The following DNAJC3 variants were observed in gnomAD, a reference collection of about 807,000 sequenced individuals.
DNAJC3 encodes the protein dnaJ homolog subfamily C member 3.
Under a neutral mutation model 68.6 loss-of-function variants are expected in DNAJC3, and 38 were observed. The observed-to-expected ratio is 0.55, with a 90% CI of 0.43 to 0.73. DNAJC3 has a LOEUF of 0.73. Ranked by LOEUF, DNAJC3 falls within the 30% of genes least tolerant of loss-of-function variation. The pLI is 0.00. For missense variants in DNAJC3, 526 were observed against 591.9 expected, an observed-to-expected ratio of 0.89 and a Z score of 1.16; for synonymous variants, 203 against 204.0, an observed-to-expected ratio of 1.00 and a Z score of 0.04.
chr13:95,707,665 T>C (rs1483276901), intron 1 of DNAJC3, among the ~76,000 whole-genome samples: 1 of 152,208 alleles, frequency 6.6e-6, no homozygotes, highest in Non-Finnish European at 1.5e-5. Context: ...CGAAATCATG[T>C]AGTTACTTAG....
At chr13:95,777,716 T>C (rs1490027099) in intron 9 of DNAJC3, among the ~76,000 whole-genome samples, 1 of 152,020 alleles carries the variant, frequency 6.6e-6, no homozygotes, top group Non-Finnish European at 1.5e-5. Flanking sequence ...GACAGCAATA[T>C]AATAATGGTA....
At chr13:95,686,482 G>C (rs1880076434) in intron 1 of DNAJC3, among the ~76,000 whole-genome samples, 1 of 152,058 alleles carries the variant, frequency 6.6e-6, no homozygotes, top group Admixed American at 6.6e-5. Context: ...TTGTGTTTGG[G>C]GTCTTCGTCA....
intron 2 of DNAJC3, among the ~76,000 whole-genome samples, chr13:95,710,700 TTTTTGA>T (rs1566477601): frequency 6.6e-6 from 1 of 152,066 alleles, no homozygotes; most frequent in Non-Finnish European, 1.5e-5. Flanking sequence ...TTTGTTTTTG[TTTTTGA>T]GACAGGATCT....
rs777968421 is a variant in DNAJC3 at position 95,731,901 on chromosome 13, AT to A, written c.393+6671del. ...AGGTGTGCATCACCACGCCTGGCTA[AT>A]TTTTTTTTTTTTTTTTTTTTTGAGA... On this transcript the variant is annotated intron_variant, in intron 4 of 11. Transcript: ENST00000602402. 9.1e-3 allele frequency among the ~76,000 whole-genome samples: 1,130 copies of A among 123,938 alleles called. 7 individuals carry two copies. Among genetic ancestry groups the A allele is most frequent in the Middle Eastern group, 0.013 (3 of 240 alleles). 81.3% of individuals were successfully genotyped at this position (123,938 alleles called of 152,430 possible).
At chr13:95,748,478 C>G (rs1882377006) in intron 4 of DNAJC3, among the ~76,000 whole-genome samples, 1 of 152,028 alleles carries the variant, frequency 6.6e-6, no homozygotes, top group African/African-American at 2.4e-5. Context: ...TTCTTTAATG[C>G]AGAAAGGATC....
intron 4 of DNAJC3, chr13:95,742,853 C>T (rs1349621195): frequency 1.9e-6 from 1 of 518,444 alleles, no homozygotes; most frequent in African/African-American, 1.9e-5. Flanking sequence ...AAGAAGTATT[C>T]ACTACGCCGT....
At chr13:95,765,350 C>G (rs1192149396) in intron 9 of DNAJC3, among the ~76,000 whole-genome samples, 1 of 151,250 alleles carries the variant, frequency 6.6e-6, no homozygotes, top group Non-Finnish European at 1.5e-5. Context: ...TGTATGTAAA[C>G]CCTTAGCTCT....
chr13:95,756,959 G>C (rs775198253), intron 4 of DNAJC3, among the ~76,000 whole-genome samples: 2 of 151,866 alleles, frequency 1.3e-5, no homozygotes, highest in Non-Finnish European at 2.9e-5. Context: ...TGCACAACTT[G>C]GTAAATTTAT....
chr13:95,691,917 T>A (rs1452104317), intron 1 of DNAJC3, among the ~76,000 whole-genome samples: 6 of 152,104 alleles, frequency 3.9e-5, no homozygotes, highest in Non-Finnish European at 8.8e-5. Flanking sequence ...CAGTCAGGCG[T>A]GGCGGCGCGC....
intron 4 of DNAJC3, among the ~76,000 whole-genome samples, chr13:95,742,103 C>T (rs1300563316): frequency 1.3e-5 from 2 of 152,156 alleles, no homozygotes; most frequent in Admixed American, 1.3e-4. Context: ...GGCTGGGGAG[C>T]ACACACTTTG....
chr13:95,758,405 G>A (rs1882728134), intron 5 of DNAJC3, among the ~76,000 whole-genome samples: 1 of 151,672 alleles, frequency 6.6e-6, no homozygotes, highest in African/African-American at 2.4e-5. Flanking sequence ...GGAGGTCGAG[G>A]TGGGTGGATC....
chr13:95,783,995 T>TC, intron 9 of DNAJC3, among the ~76,000 whole-genome samples: 1 of 152,276 alleles, frequency 6.6e-6, no homozygotes, highest in East Asian at 1.9e-4. Context: ...TGCACACTCC[T>TC]CCCAGCGTGC....
intron 4 of DNAJC3, among the ~76,000 whole-genome samples, chr13:95,725,849 G>A (rs1354379014): frequency 4.8e-5 from 5 of 104,750 alleles, no homozygotes; most frequent in East Asian, 2.9e-4. Flanking sequence ...AACAGTCCCC[G>A]GAGTGTGATG....
At chr13:95,742,767 A>G (rs1430380048) in intron 4 of DNAJC3, 2 of 519,004 alleles carry the variant, frequency 3.9e-6, no homozygotes, top group Non-Finnish European at 7.7e-6. Context: ...TGCCTTCCTC[A>G]GTCTTTAAAT....
chr13:95,757,617 C>T, intron 4 of DNAJC3, 27 bp from the exon 5 acceptor site: 1 of 1,524,656 alleles, frequency 6.6e-7, no homozygotes, highest in Non-Finnish European at 8.9e-7. Flanking sequence ...ATTAAAAACT[C>T]TGCTTAGTTT....
In DNAJC3 at chr13:95,763,753, CAGTTGA is replaced by C. The variant is rs1205786696; in HGVS notation, c.954+6_954+11del. On this transcript the variant is annotated splice_donor_region_variant and intron_variant, in intron 8 of 11. Coordinates refer to ENST00000602402, the MANE Select transcript of DNAJC3 (RefSeq NM_006260.5). ...ATTTGCCACTGCTTTTCTAAGGTAACAGTTGACTTGTTCCCAGAAATGTGAAAACTC... is the reference window on the plus strand; with the variant it reads ...ATTTGCCACTGCTTTTCTAAGGTAACCTTGTTCCCAGAAATGTGAAAACTC... The C allele has an allele frequency of 6.2e-7, 1 of 1,613,902 alleles. No individual in the cohort carries two copies. The highest frequency in any genetic ancestry group is 1.7e-5 in the Admixed American group (1 of 60,016).
At chr13:95,680,045 G>C (rs773090909) in intron 1 of DNAJC3, among the ~76,000 whole-genome samples, 10 of 152,164 alleles carry the variant, frequency 6.6e-5, no homozygotes, top group Non-Finnish European at 1.0e-4. Flanking sequence ...AAAGGCGTTT[G>C]AAAGAGTGAA....
Position 95,763,898 on chromosome 13 carries a change from G to A in DNAJC3, c.1020G>A (p.Val340=). ...TTTTACAGATGGAACCTGACAATGT[G>A]AATGCCCTGAAAGATCGAGCAGAGG... ...SEVLQMEPDN[V]NALKDRAEAY... is the part of the protein sequence containing the mutation. The change falls in exon 9 of 12, where the codon GTG becomes GTA. Residue 340 remains valine (V), a synonymous_variant. Coordinates refer to ENST00000602402, the MANE Select transcript of DNAJC3 (RefSeq NM_006260.5). 6.2e-7 allele frequency: 1 copy of A among 1,614,078 alleles called. No homozygotes were observed. The highest frequency in any genetic ancestry group is 8.5e-7 in the Non-Finnish European group (1 of 1,179,964).
chr13:95,715,471 T>A (rs545921930), intron 2 of DNAJC3, among the ~76,000 whole-genome samples: 1 of 151,928 alleles, frequency 6.6e-6, no homozygotes, highest in South Asian at 2.1e-4. Context: ...ATACACATCA[T>A]AGTTTCTTTT....
Sources: gnomAD v4.1 joint callset for allele counts (sites outside exome capture counted in the v4.1 genomes callset) on GRCh38, gnomAD v4.1.1 for gene constraint, MANE v1.5 for transcripts, NCBI Gene and HGNC (gene_info 2026-07-23, HGNC 2026-07-21) for gene names.